The following FNDC3B variants were observed in gnomAD, a reference collection of about 807,000 sequenced individuals.
FNDC3B encodes the protein fibronectin type III domain containing 3B, also known as fibronectin type III domain-containing protein 3B.
A neutral mutation model predicts 151.5 loss-of-function variants in FNDC3B; 12 were observed. The ratio of observed to expected loss-of-function variants is 0.08; its 90% CI spans 0.05 to 0.13. The LOEUF (loss-of-function observed/expected upper bound fraction) is 0.13. Ranked by LOEUF, FNDC3B falls within the 10% of genes least tolerant of loss-of-function variation. The pLI is 1.00. For missense variants in FNDC3B, 1,214 were observed against 1,505.3 expected (o/e 0.81, Z 3.20); for synonymous variants, 528 against 549.0 (o/e 0.96, Z 0.54).
intron 1 of FNDC3B, among the ~76,000 whole-genome samples, chr3:172,107,280 A>C (rs1719703375): frequency 6.6e-6 from 1 of 152,200 alleles, no homozygotes; most frequent in South Asian, 2.1e-4. Context: ...AAACAAAATA[A>C]AGAATAGGAG....
chr3:172,350,048 C>A (rs549994349), intron 21 of FNDC3B, among the ~76,000 whole-genome samples: 16 of 152,144 alleles, frequency 1.1e-4, no homozygotes, highest in Admixed American at 1.3e-4. Context: ...ACAGAAATTT[C>A]TCTGTACTAT....
intron 6 of FNDC3B, among the ~76,000 whole-genome samples, chr3:172,284,054 A>G (rs1200436849): frequency 1.3e-5 from 2 of 152,190 alleles, no homozygotes; most frequent in Non-Finnish European, 2.9e-5. Flanking sequence ...TAAAGTTTGG[A>G]GTGGTGCCAA....
At chr3:172,064,285 A>T (rs1717377989) in intron 1 of FNDC3B, among the ~76,000 whole-genome samples, 1 of 152,010 alleles carries the variant, frequency 6.6e-6, no homozygotes. Flanking sequence ...TTGATTTTGG[A>T]CTTACCAACC....
Position 172,133,553 on chromosome 3 carries a change from A to T in FNDC3B, c.187+7A>T, listed in dbSNP as rs1721212841. The T allele has an allele frequency of 6.3e-7, 1 of 1,594,450 alleles. No homozygotes were observed. Reference sequence around the variant, plus strand: ...ACACTTCAGTGCATTCAAGGTAAGGACATTTTTGGTAAATATTCTAATCAA... The same window carrying T: ...ACACTTCAGTGCATTCAAGGTAAGGTCATTTTTGGTAAATATTCTAATCAA... On this transcript the variant is annotated splice_region_variant and intron_variant, in intron 3 of 25. Transcript: ENST00000415807.
chr3:172,063,152 C>G (rs879651224), intron 1 of FNDC3B, among the ~76,000 whole-genome samples: 2 of 151,830 alleles, frequency 1.3e-5, no homozygotes, highest in Non-Finnish European at 2.9e-5. Flanking sequence ...TTTGTATTTT[C>G]CCCATTTTTC....
chr3:172,383,275 T>C (rs146827832), intron 25 of FNDC3B, among the ~76,000 whole-genome samples: 9,267 of 152,290 alleles, frequency 0.061, 401 homozygotes, highest in Non-Finnish European at 0.093. Context: ...TTGTCTATTA[T>C]TGGTGTATAG....
At chr3:172,107,221 C>T (rs768968935) in intron 1 of FNDC3B, among the ~76,000 whole-genome samples, 3 of 152,006 alleles carry the variant, frequency 2.0e-5, no homozygotes, top group Non-Finnish European at 4.4e-5. Flanking sequence ...GGAGAGGTTG[C>T]GAGGGCCTGT....
In FNDC3B at chr3:172,134,779, G is replaced by C. The variant is rs540328696; in HGVS notation, c.187+1233G>C. On this transcript the variant is annotated intron_variant, in intron 3 of 25. Coordinates refer to ENST00000415807, the MANE Select transcript of FNDC3B (RefSeq NM_022763.4). ...GATTTCTACTCTGCATTTCTCTGTT[G>C]TGTCCCAGAAATTGATCTTTGGAAT... Among the ~76,000 whole-genome samples, 10 of 152,062 alleles carry C rather than the reference G, an allele frequency of 6.6e-5. 1 individual carries two copies. The South Asian group carries it at 1.7e-3, about 25-fold the overall frequency.
chr3:172,229,457 C>T (rs1726776820), intron 4 of FNDC3B, among the ~76,000 whole-genome samples: 4 of 152,206 alleles, frequency 2.6e-5, no homozygotes. Flanking sequence ...TTCCCCCTGT[C>T]TGGAATACTC....
chr3:172,337,528 A>G, intron 16 of FNDC3B, 127 bp downstream of exon 16: 3 of 672,344 alleles, frequency 4.5e-6, no homozygotes, highest in Non-Finnish European at 7.7e-6. Context: ...TACAATAAAC[A>G]AACTTTAGTC....
chr3:172,231,562 GTGGTGA>G (rs1022375039), intron 4 of FNDC3B, among the ~76,000 whole-genome samples: 16 of 152,200 alleles, frequency 1.1e-4, no homozygotes, highest in African/African-American at 3.4e-4. Context: ...GTTATTGGTG[GTGGTGA>G]TGGTGATGGT....
intron 3 of FNDC3B, among the ~76,000 whole-genome samples, chr3:172,203,071 T>G (rs1725238765): frequency 6.6e-6 from 1 of 152,000 alleles, no homozygotes; most frequent in African/African-American, 2.4e-5. Context: ...ACATGGGGAG[T>G]TCTGTGGATT....
At chr3:172,271,539 G>A (rs1436805021) in intron 6 of FNDC3B, among the ~76,000 whole-genome samples, 2 of 152,200 alleles carry the variant, frequency 1.3e-5, no homozygotes, top group African/African-American at 4.8e-5. Flanking sequence ...TGAAAAAGAA[G>A]ATGAAAACAT....
At chr3:172,305,158 G>A (rs1379831889) in intron 9 of FNDC3B, among the ~76,000 whole-genome samples, 1 of 152,076 alleles carries the variant, frequency 6.6e-6, no homozygotes, top group African/African-American at 2.4e-5. Context: ...TTGAAGTAAG[G>A]TTCAGACATC....
intron 1 of FNDC3B, among the ~76,000 whole-genome samples, chr3:172,051,258 T>G (rs1716639791): frequency 9.0e-6 from 1 of 111,474 alleles, no homozygotes; most frequent in Non-Finnish European, 1.7e-5. Flanking sequence ...TAATTTTGTA[T>G]TTTTTTTTTT....
rs535707244 is a variant in FNDC3B at position 172,178,726 on chromosome 3, T to C, written c.187+45180T>C. Among the ~76,000 whole-genome samples the C allele has an allele frequency of 3.9e-4, 59 of 152,190 alleles. No homozygotes were observed. In the Middle Eastern group the frequency reaches 0.01, roughly 26 times the overall value. ...GACCAAATATATGTGGAGGGAGTGA[T>C]GGTAAAGGTGATAAAAGTGCAAGTT... is the stretch of plus-strand genomic sequence containing the variant. On this transcript the variant is annotated intron_variant, in intron 3 of 25. Transcript: ENST00000415807.
chr3:172,139,405 T>A (rs1425972234), intron 3 of FNDC3B, among the ~76,000 whole-genome samples: 1 of 152,222 alleles, frequency 6.6e-6, no homozygotes, highest in Non-Finnish European at 1.5e-5. Context: ...CTCCCTTTAA[T>A]ACATACTTTG....
At chr3:172,389,814 C>T (rs1010243742) in intron 25 of FNDC3B, among the ~76,000 whole-genome samples, 2 of 152,014 alleles carry the variant, frequency 1.3e-5, no homozygotes, top group African/African-American at 4.8e-5. Context: ...TGCAGTGAGC[C>T]AAGATCAAGC....
chr3:172,093,916 A>G (rs1040767331), intron 1 of FNDC3B, among the ~76,000 whole-genome samples: 6 of 152,214 alleles, frequency 3.9e-5, no homozygotes, highest in Admixed American at 3.3e-4. Context: ...GTATTGAGAT[A>G]TATTTCACAT....
Sources: gnomAD v4.1 joint callset for allele counts (sites outside exome capture counted in the v4.1 genomes callset) on GRCh38, gnomAD v4.1.1 for gene constraint, MANE v1.5 for transcripts, NCBI Gene and HGNC (gene_info 2026-07-23, HGNC 2026-07-21) for gene names.